BLM: variants seen among roughly 807,000 people sequenced by gnomAD.
BLM encodes the protein recQ-like DNA helicase BLM.
Under a neutral mutation model 135.3 loss-of-function variants are expected in BLM, and 95 were observed. The ratio of observed to expected loss-of-function variants is 0.70; its 90% CI spans 0.59 to 0.83. The LOEUF (loss-of-function observed/expected upper bound fraction) is 0.83, where lower values mean the gene tolerates loss of function less well. Among genes scored for constraint, BLM ranks in the 40% least tolerant of loss-of-function variants. The pLI is 0.00. For synonymous variants in BLM, 520 were observed against 589.2 expected, an observed-to-expected ratio of 0.88 and a Z score of 1.70; for missense variants, 1,518 against 1,663.9, an observed-to-expected ratio of 0.91 and a Z score of 1.53.
At chr15:90,725,532 T>C (rs11073950) in intron 1 of BLM, among the ~76,000 whole-genome samples, 58,826 of 149,506 alleles carry the variant, frequency 0.39, 14,030 homozygotes, top group African/African-American at 0.67. Flanking sequence ...CTCACTCTGT[T>C]GCCCAGGCTG....
rs1384463101 is a variant in BLM at position 90,793,877 on chromosome 15, C to T, written c.3020-290C>T. ...CTCTGCTTCCTCAGGATGTTCAGTT[C>T]GGTGGATGCTCGACTGATAAATACA... On this transcript the variant is annotated intron_variant, in intron 15 of 21. Coordinates refer to ENST00000355112, the MANE Select transcript of BLM (RefSeq NM_000057.4). 7 of 195,680 alleles carry T rather than the reference C, an allele frequency of 3.6e-5. No homozygotes were observed. In the South Asian group the frequency reaches 3.8e-4, roughly 11 times the overall value. 12.1% of individuals were successfully genotyped at this position (195,680 alleles called of 1,614,324 possible).
intron 1 of BLM, among the ~76,000 whole-genome samples, chr15:90,744,228 C>T (rs1342356618): frequency 6.6e-6 from 1 of 152,152 alleles, no homozygotes; most frequent in Admixed American, 6.5e-5. Flanking sequence ...CAGTAGTCTA[C>T]TTTGTTGATG....
intron 1 of BLM, among the ~76,000 whole-genome samples, chr15:90,739,085 A>G (rs1411853483): frequency 1.3e-5 from 2 of 152,172 alleles, no homozygotes; most frequent in African/African-American, 2.4e-5. Flanking sequence ...CTACAGTTAG[A>G]TATTATTCAG....
chr15:90,737,264 G>T (rs984710144), intron 1 of BLM, among the ~76,000 whole-genome samples: 9 of 151,564 alleles, frequency 5.9e-5, no homozygotes, highest in African/African-American at 1.7e-4. Context: ...ATATATGATG[G>T]TTTTTTCTAT....
At chr15:90,807,233 C>T (rs2151197121) in intron 19 of BLM, among the ~76,000 whole-genome samples, 1 of 152,280 alleles carries the variant, frequency 6.6e-6, no homozygotes, top group Admixed American at 6.5e-5. Flanking sequence ...CAGAAGGTGT[C>T]AACAGAAGGT....
chr15:90,745,489 A>ACC (rs1895476468), intron 1 of BLM, among the ~76,000 whole-genome samples: 1 of 152,128 alleles, frequency 6.6e-6, no homozygotes, highest in Non-Finnish European at 1.5e-5. Flanking sequence ...AGCTCACTGC[A>ACC]ATATCTGCCT....
Position 90,752,269 on chromosome 15 carries a change from G to A in BLM, c.959+323G>A, listed in dbSNP as rs182371865. Among the ~76,000 whole-genome samples, 38 of 151,316 alleles carry A rather than the reference G, an allele frequency of 2.5e-4. 2 individuals are homozygous for A. The highest frequency in any genetic ancestry group is 2.1e-3 in the Admixed American group (32 of 15,164). On this transcript the variant is annotated intron_variant, in intron 4 of 21. Transcript: ENST00000355112. ...TGGCTCACTGCAGCCTCCACCTCCCGGGTTCAAGTGATTCTTGTGCCTCAG... is the reference window on the plus strand; with the variant it reads ...TGGCTCACTGCAGCCTCCACCTCCCAGGTTCAAGTGATTCTTGTGCCTCAG...
At position 90,790,783 on chromosome 15, in the gene BLM, A is replaced by G; in HGVS notation, c.2958A>G (p.Ile986Met). Residue 986 changes from isoleucine (I) to methionine (M), a missense_variant, in exon 15 of 22, where the codon ATA becomes ATG. Transcript: ENST00000355112. ...ESGRAGRDGE[I>M]SHCLLFYTYH... ...GCAGAGCTGGAAGAGATGGGGAAAT[A>G]TCTCACTGCCTGCTTTTCTATACCT... The G allele has an allele frequency of 6.2e-7, 1 of 1,614,196 alleles. No individual in the cohort carries two copies. Among genetic ancestry groups the G allele is most frequent in the South Asian group, 1.1e-5 (1 of 91,088 alleles).
At chr15:90,726,574 G>T (rs1037501515) in intron 1 of BLM, among the ~76,000 whole-genome samples, 13 of 152,054 alleles carry the variant, frequency 8.5e-5, no homozygotes, top group Admixed American at 2.6e-4. Flanking sequence ...AGCCAATTTT[G>T]TATTCTTTAA....
intron 1 of BLM, among the ~76,000 whole-genome samples, chr15:90,744,983 G>A (rs935644569): frequency 9.2e-5 from 14 of 151,936 alleles, no homozygotes; most frequent in African/African-American, 2.2e-4. Flanking sequence ...CTGGGGAGGC[G>A]GAGGCTGCAG....
intron 1 of BLM, among the ~76,000 whole-genome samples, chr15:90,746,733 G>T (rs28384970): frequency 0.01 from 1,537 of 152,246 alleles, 26 homozygotes; most frequent in African/African-American, 0.034. Flanking sequence ...TTACAGCTAG[G>T]ATCTTCCTTT....
At chr15:90,757,836 A>C (rs1465670369) in intron 5 of BLM, among the ~76,000 whole-genome samples, 1 of 151,656 alleles carries the variant, frequency 6.6e-6, no homozygotes, top group Non-Finnish European at 1.5e-5. Context: ...TAGGCCTGAG[A>C]GGTGGCAAAG....
chr15:90,777,232 A>C (rs1490266701), intron 12 of BLM, among the ~76,000 whole-genome samples: 4 of 151,296 alleles, frequency 2.6e-5, no homozygotes, highest in Admixed American at 6.6e-5. Context: ...GCTCACCGCA[A>C]CCTCCACCTC....
intron 6 of BLM, 33 bp from the exon 7 acceptor site, chr15:90,760,561 T>C (rs1166501904): frequency 4.4e-6 from 7 of 1,580,310 alleles, no homozygotes; most frequent in East Asian, 2.2e-5. Flanking sequence ...AAACTACTTA[T>C]ATTTAATACG....
chr15:90,809,439 T>C (rs1165982835), intron 20 of BLM, among the ~76,000 whole-genome samples, 180 bp downstream of exon 20: 1 of 152,178 alleles, frequency 6.6e-6, no homozygotes, highest in Non-Finnish European at 1.5e-5. Context: ...ATGCCCCCTG[T>C]GAGTGCCAGT....
chr15:90,748,321 T>C (rs891600311), intron 2 of BLM, among the ~76,000 whole-genome samples: 1 of 151,666 alleles, frequency 6.6e-6, no homozygotes, highest in African/African-American at 2.4e-5. Context: ...TTGGGCAGAC[T>C]GGTCTCAAAC....
At chr15:90,722,862 C>T (rs866684630) in intron 1 of BLM, among the ~76,000 whole-genome samples, 13 of 152,170 alleles carry the variant, frequency 8.5e-5, no homozygotes, top group South Asian at 8.3e-4. Context: ...TATTTTGAGA[C>T]GGAGTTTTGC....
chr15:90,768,037 G>A (rs958813978), intron 10 of BLM, among the ~76,000 whole-genome samples: 1 of 151,434 alleles, frequency 6.6e-6, no homozygotes, highest in African/African-American at 2.4e-5. Flanking sequence ...CTGCAACCTG[G>A]GTTCAAGTGA....
At chr15:90,786,601 T>C (rs144738321) in intron 14 of BLM, among the ~76,000 whole-genome samples, 1,719 of 152,274 alleles carry the variant, frequency 0.011, 40 homozygotes, top group African/African-American at 0.04. Context: ...TGGGTTTTTT[T>C]TTATTTACAT....
Sources: gnomAD v4.1 joint callset for allele counts (sites outside exome capture counted in the v4.1 genomes callset) on GRCh38, gnomAD v4.1.1 for gene constraint, MANE v1.5 for transcripts, NCBI Gene and HGNC (gene_info 2026-07-23, HGNC 2026-07-21) for gene names.